The following TULP4 variants were observed in gnomAD, a reference collection of about 807,000 sequenced individuals.
The protein encoded by TULP4 is tubby-related protein 4.
Under a neutral mutation model 129.0 loss-of-function variants are expected in TULP4, and 16 were observed. The observed-to-expected ratio is 0.12, with a 90% CI of 0.08 to 0.19. The LOEUF is 0.19. TULP4 is among the 10% of genes least tolerant of loss of function. TULP4 has a pLI of 1.00. For missense variants in TULP4, 1,842 were observed against 2,059.1 expected, an observed-to-expected ratio of 0.89 and a Z score of 2.04; for synonymous variants, 998 against 854.0, an observed-to-expected ratio of 1.17 and a Z score of -2.94.
chr6:158,375,610 A>G (rs1178739073), intron 1 of TULP4, among the ~76,000 whole-genome samples: 1 of 152,216 alleles, frequency 6.6e-6, no homozygotes, highest in Non-Finnish European at 1.5e-5. Flanking sequence ...TGAAGGAGGA[A>G]AAGACACAGA....
chr6:158,232,709 C>G (rs1014869648), intron 1 of TULP4, among the ~76,000 whole-genome samples: 4 of 151,966 alleles, frequency 2.6e-5, no homozygotes, highest in African/African-American at 9.7e-5. Flanking sequence ...AAAACGGTTT[C>G]CCCAGGGAGA....
At chr6:158,283,699 C>G (rs1778794692) in intron 1 of TULP4, among the ~76,000 whole-genome samples, 2 of 152,208 alleles carry the variant, frequency 1.3e-5, no homozygotes, top group African/African-American at 4.8e-5. Flanking sequence ...TCCTTCAGAA[C>G]TAACTGTTAA....
chr6:158,420,570 C>T lies in TULP4; in HGVS notation c.381+7377C>T, dbSNP rs750576168. Among the ~76,000 whole-genome samples the T allele has an allele frequency of 2.4e-4, 37 of 152,136 alleles. 1 individual carries two copies. The highest frequency in any genetic ancestry group is 1.4e-3 in the Admixed American group (22 of 15,278). ...CATCTCGGCTCACTGCAATCCTTGC[C>T]TCCCGGGTTCAAGCGATTCTCCTGT... On this transcript the variant is annotated intron_variant, in intron 2 of 13. Coordinates refer to ENST00000367097, the MANE Select transcript of TULP4 (RefSeq NM_020245.5).
At chr6:158,240,304 G>A (rs1218301366) in intron 1 of TULP4, among the ~76,000 whole-genome samples, 4 of 77,204 alleles carry the variant, frequency 5.2e-5, no homozygotes, top group Non-Finnish European at 1.1e-4. Flanking sequence ...GGGCAGAGGC[G>A]CCCCTCACCT....
intron 5 of TULP4, among the ~76,000 whole-genome samples, chr6:158,455,710 C>T (rs968784184): frequency 6.7e-6 from 1 of 149,110 alleles, no homozygotes; most frequent in African/African-American, 2.5e-5. Flanking sequence ...GCACTCTAGC[C>T]TGGGTAACAG....
At chr6:158,249,380 A>G (rs1382715741) in intron 1 of TULP4, among the ~76,000 whole-genome samples, 1 of 147,340 alleles carries the variant, frequency 6.8e-6, no homozygotes, top group Non-Finnish European at 1.5e-5. Context: ...GAAAGCTCAC[A>G]TTTTGCTTAT....
chr6:158,474,648 T>A (rs56182595), intron 6 of TULP4, among the ~76,000 whole-genome samples: 27,356 of 152,114 alleles, frequency 0.18, 2,841 homozygotes, highest in Middle Eastern at 0.26. Flanking sequence ...TACCTCACGT[T>A]ATCAGGTAGT....
chr6:158,470,018 A>G (rs1779642563), intron 6 of TULP4, among the ~76,000 whole-genome samples: 1 of 152,046 alleles, frequency 6.6e-6, no homozygotes, highest in African/African-American at 2.4e-5. Flanking sequence ...TGGGCCATGC[A>G]GTGGGTGTTA....
At chr6:158,345,414 A>T (rs1780278586) in intron 1 of TULP4, among the ~76,000 whole-genome samples, 1 of 152,186 alleles carries the variant, frequency 6.6e-6, no homozygotes, top group South Asian at 2.1e-4. Context: ...CACCCCCAAT[A>T]TTTCAGTGTA....
chr6:158,483,651 G>A (rs1377040330), intron 8 of TULP4, among the ~76,000 whole-genome samples: 1 of 152,112 alleles, frequency 6.6e-6, no homozygotes, highest in Non-Finnish European at 1.5e-5. Flanking sequence ...AACTCATTGA[G>A]GCCGCCATAT....
chr6:158,380,910 A>AAAAAAAAAAAAAAAAG (rs779845034), intron 1 of TULP4, among the ~76,000 whole-genome samples: 3 of 135,046 alleles, frequency 2.2e-5, no homozygotes, highest in South Asian at 2.3e-4. Flanking sequence ...AAAAAAAAAA[A>AAAAAAAAAAAAAAAAG]AAGAAGAAGA....
In TULP4 at chr6:158,313,367, C is replaced by T; in HGVS notation, c.-650C>T. ...CCTAAAATTTGGACTCTTGTCTGCA[C>T]AAACTCTGGTCTGTTTTGCACGGTT... On this transcript the variant is annotated 5_prime_UTR_variant, in exon 1 of 14. Coordinates refer to ENST00000367097, the MANE Select transcript of TULP4 (RefSeq NM_020245.5). 2.5e-6 allele frequency: 1 copy of T among 397,780 alleles called. No homozygotes were observed. Among genetic ancestry groups the T allele is most frequent in the East Asian group, 3.6e-5 (1 of 28,020 alleles). 24.6% of individuals were successfully genotyped at this position (397,780 alleles called of 1,614,324 possible). A position where few individuals can be genotyped will look rare whatever the true frequency, so the allele number is the denominator to read the frequency against.
At chr6:158,340,523 C>T (rs1462831176) in intron 1 of TULP4, among the ~76,000 whole-genome samples, 1 of 152,094 alleles carries the variant, frequency 6.6e-6, no homozygotes. Flanking sequence ...ACAGAGTTGA[C>T]CGTACTGCTC....
intron 2 of TULP4, among the ~76,000 whole-genome samples, chr6:158,422,239 T>G (rs531073270): frequency 6.0e-4 from 92 of 152,076 alleles, no homozygotes; most frequent in African/African-American, 2.1e-3. Context: ...GCAAAACTGA[T>G]CAAGAGAAGA....
chr6:158,334,035 A>G (rs1041838263), intron 1 of TULP4, among the ~76,000 whole-genome samples: 11 of 152,214 alleles, frequency 7.2e-5, no homozygotes, highest in African/African-American at 2.7e-4. Context: ...CGCTTAAAAT[A>G]TTGTGTGATG....
intron 3 of TULP4, among the ~76,000 whole-genome samples, chr6:158,444,022 A>G (rs891834766): frequency 4.6e-5 from 7 of 151,854 alleles, no homozygotes; most frequent in East Asian, 3.9e-4. Context: ...GATTGAGACC[A>G]TCCTGGCTAA....
intron 1 of TULP4, among the ~76,000 whole-genome samples, chr6:158,239,989 G>C (rs1312995989): frequency 9.5e-6 from 1 of 104,778 alleles, no homozygotes; most frequent in African/African-American, 3.1e-5. Flanking sequence ...GGCTGGGCGG[G>C]GGGCTGACCC....
chr6:158,346,748 C>A (rs111362304), intron 1 of TULP4, among the ~76,000 whole-genome samples: 1,950 of 144,492 alleles, frequency 0.013, 44 homozygotes, highest in African/African-American at 0.048. Flanking sequence ...GAAATGAAAC[C>A]CCTTTAGCCA....
chr6:158,475,798 G>C (rs1001649699), intron 6 of TULP4, among the ~76,000 whole-genome samples: 6 of 152,244 alleles, frequency 3.9e-5, no homozygotes, highest in Admixed American at 3.3e-4. Context: ...GCCACATGCA[G>C]TTAGCGCCAT....
Sources: gnomAD v4.1 joint callset for allele counts (sites outside exome capture counted in the v4.1 genomes callset) on GRCh38, gnomAD v4.1.1 for gene constraint, MANE v1.5 for transcripts, NCBI Gene and HGNC (gene_info 2026-07-23, HGNC 2026-07-21) for gene names.